Variants in ANKFN1 observed in about 807,000 individuals in gnomAD.
ANKFN1 encodes ankyrin repeat and fibronectin type III domain containing 1.
In ANKFN1, 74 loss-of-function variants were observed where a neutral mutation model predicts 108.7. That is an observed-to-expected ratio of 0.68 (90% CI 0.56 to 0.83). The LOEUF (loss-of-function observed/expected upper bound fraction) is 0.83, where lower values mean the gene tolerates loss of function less well. Among genes scored for constraint, ANKFN1 ranks in the 40% least tolerant of loss-of-function variants. The pLI is 0.00. For synonymous variants in ANKFN1, 547 were observed against 516.2 expected, an observed-to-expected ratio of 1.06 and a Z score of -0.81; for missense variants, 1,505 against 1,382.3, an observed-to-expected ratio of 1.09 and a Z score of -1.41.
At chr17:56,333,741 C>T (rs2045729381) in intron 4 of ANKFN1, among the ~76,000 whole-genome samples, 1 of 152,124 alleles carries the variant, frequency 6.6e-6, no homozygotes, top group African/African-American at 2.4e-5. Context: ...TGGTATCATT[C>T]CTTAAAGGTC....
At chr17:56,318,847 C>T (rs1405285914) in intron 3 of ANKFN1, among the ~76,000 whole-genome samples, 1 of 152,004 alleles carries the variant, frequency 6.6e-6, no homozygotes. Flanking sequence ...TGATCTGTTC[C>T]CAAGTATCTC....
chr17:56,508,953 C>A (rs1317168793), intron 20 of ANKFN1, among the ~76,000 whole-genome samples: 2 of 152,074 alleles, frequency 1.3e-5, no homozygotes, highest in Non-Finnish European at 2.9e-5. Flanking sequence ...TATCTCTGCC[C>A]CAAGAGTAAT....
chr17:56,401,418 A>G (rs564960704), intron 8 of ANKFN1, among the ~76,000 whole-genome samples: 30 of 148,296 alleles, frequency 2.0e-4, no homozygotes, highest in African/African-American at 7.0e-4. Flanking sequence ...GTTGTACTGT[A>G]TTGTATTATA....
chr17:56,358,598 C>A (rs2046433920), intron 6 of ANKFN1, among the ~76,000 whole-genome samples: 1 of 152,102 alleles, frequency 6.6e-6, no homozygotes, highest in African/African-American at 2.4e-5. Context: ...TTGCAAACAG[C>A]ACAAAATAAT....
intron 6 of ANKFN1, among the ~76,000 whole-genome samples, chr17:56,355,516 C>A (rs2046353233): frequency 6.6e-6 from 1 of 152,108 alleles, no homozygotes; most frequent in Admixed American, 6.6e-5. Flanking sequence ...TTATGCAGGA[C>A]CCTGAGACCA....
At chr17:56,134,825 C>A (rs1328728416) in intron 4 of ANKFN1, among the ~76,000 whole-genome samples, 1 of 152,164 alleles carries the variant, frequency 6.6e-6, no homozygotes, top group African/African-American at 2.4e-5. Flanking sequence ...AATGTCAATT[C>A]TTTCTACCTC....
chr17:56,240,723 A>G (rs1408092871), intron 3 of ANKFN1, among the ~76,000 whole-genome samples: 2 of 152,124 alleles, frequency 1.3e-5, no homozygotes, highest in Non-Finnish European at 2.9e-5. Flanking sequence ...TTTCTTCAAT[A>G]TGATGGGAGT....
At chr17:56,334,113 G>A (rs1190206029) in intron 4 of ANKFN1, among the ~76,000 whole-genome samples, 2 of 152,142 alleles carry the variant, frequency 1.3e-5, no homozygotes, top group East Asian at 3.9e-4. Flanking sequence ...TCCATACAAT[G>A]GAATACGTCT....
intron 8 of ANKFN1, among the ~76,000 whole-genome samples, chr17:56,420,680 CTTCTT>C (rs1226709626): frequency 9.6e-5 from 13 of 135,438 alleles, no homozygotes; most frequent in African/African-American, 4.3e-4. Flanking sequence ...CTTCTGACTC[CTTCTT>C]TTTTTTTTTT....
At chr17:56,151,920 T>C (rs1334072660), upstream of ANKFN1, among the ~76,000 whole-genome samples, 3 of 152,176 alleles carry the variant, frequency 2.0e-5, no homozygotes, top group African/African-American at 4.8e-5. Context: ...AATTGACTCA[T>C]TGCTGTTCAA....
chr17:56,480,901 GTGTGTGTGTGTGTGTGTGTGTA>G (rs2145367423), intron 17 of ANKFN1, 83 bp downstream of exon 17: 4 of 1,308,686 alleles, frequency 3.1e-6, no homozygotes, highest in Admixed American at 2.5e-5. Context: ...GTGTGTGTGT[GTGTGTGTGTGTGTGTGTGTGTA>G]AATTTTCCTT....
chr17:56,109,284 A>G lies in ANKFN1; in HGVS notation c.288+62959A>G, dbSNP rs571972623. Among the ~76,000 whole-genome samples the G allele has an allele frequency of 4.6e-5, 7 of 152,300 alleles. No homozygotes were observed. In the East Asian group the frequency reaches 1.2e-3, roughly 25 times the overall value. ...GGTTAGCAGAAGGGATTTGCCCATT[A>G]TGGTTACTCAGGGACATGGGTGGAT... is the stretch of plus-strand genomic sequence containing the variant. On this transcript the variant is annotated intron_variant, in intron 4 of 12. Coordinates refer to the ANKFN1 transcript ENST00000635860.
chr17:56,186,683 G>C (rs1912241549), intron 1 of ANKFN1, among the ~76,000 whole-genome samples: 1 of 152,220 alleles, frequency 6.6e-6, no homozygotes, highest in Admixed American at 6.5e-5. Flanking sequence ...ACAGTGCTAA[G>C]GATCACATAC....
chr17:56,474,315 G>A (rs2050426629), intron 15 of ANKFN1, among the ~76,000 whole-genome samples: 1 of 152,102 alleles, frequency 6.6e-6, no homozygotes, highest in African/African-American at 2.4e-5. Context: ...CTTTTCTGAG[G>A]TTATACAGTG....
At chr17:56,079,976 C>A (rs553501938) in intron 4 of ANKFN1, among the ~76,000 whole-genome samples, 1 of 152,160 alleles carries the variant, frequency 6.6e-6, no homozygotes, top group African/African-American at 2.4e-5. Flanking sequence ...AGGAAAGGAA[C>A]AGTTGGGCAA....
intron 1 of ANKFN1, among the ~76,000 whole-genome samples, chr17:56,188,567 GTGTGTGTGTGTGTGTA>G (rs1567825670): frequency 2.4e-4 from 25 of 103,636 alleles, no homozygotes; most frequent in African/African-American, 1.1e-3. Context: ...GTGTGTATGT[GTGTGTGTGTGTGTGTA>G]TATATATATA....
chr17:56,121,836 T>A (rs1166493508), intron 4 of ANKFN1, among the ~76,000 whole-genome samples: 1 of 152,232 alleles, frequency 6.6e-6, no homozygotes, highest in East Asian at 1.9e-4. Context: ...GTAGGTCCAA[T>A]GTAGAGCCCT....
At chr17:56,154,660 CTT>C (rs1297618142) in intron 1 of ANKFN1, among the ~76,000 whole-genome samples, 16 of 139,844 alleles carry the variant, frequency 1.1e-4, no homozygotes, top group Non-Finnish European at 1.7e-4. Flanking sequence ...AAAAAAAAAA[CTT>C]ATTCCTTTTA....
In ANKFN1 at chr17:56,449,194, T is replaced by A. The variant is rs770887830; in HGVS notation, c.1207+8T>A. ...AGCATTACAGTTGCCGGGGTAAGGA[T>A]AAAAATCTGTGCTGGGCCATCAACT... On this transcript the variant is annotated splice_region_variant and intron_variant, in intron 11 of 20. Transcript: ENST00000682825. The A allele has an allele frequency of 9.9e-6, 16 of 1,611,442 alleles. No individual in the cohort carries two copies. In the South Asian group the frequency reaches 1.6e-4, roughly 17 times the overall value.
Sources: gnomAD v4.1 joint callset for allele counts (sites outside exome capture counted in the v4.1 genomes callset) on GRCh38, gnomAD v4.1.1 for gene constraint, MANE v1.5 for transcripts, NCBI Gene and HGNC (gene_info 2026-07-23, HGNC 2026-07-21) for gene names.